GALNT15: variants seen among roughly 807,000 people sequenced by gnomAD.
The protein encoded by GALNT15 is polypeptide N-acetylgalactosaminyltransferase 15.
In GALNT15, 67 loss-of-function variants were observed where a neutral mutation model predicts 66.8. That is an observed-to-expected ratio of 1.00 (90% CI 0.82 to 1.23). GALNT15 has a LOEUF of 1.23. Ranked by LOEUF, GALNT15 falls within the 50% of genes most tolerant of loss-of-function variation. The probability of loss-of-function intolerance (pLI) is 0.00; values close to 1 mark genes in which losing one functional copy is unlikely to be tolerated. For synonymous variants in GALNT15, 313 were observed against 311.5 expected (o/e 1.00, Z -0.05); for missense variants, 827 against 804.3 (o/e 1.03, Z -0.34).
Position 16,186,340 on chromosome 3 carries a change from G to C in GALNT15, c.540-9420G>C, listed in dbSNP as rs886088966. ...TTGGAACCCTCACACATTGCTGGTG[G>C]GATTGTAAAATGGTGCAACTGCTTT... On this transcript the variant is annotated intron_variant, in intron 1 of 9. Coordinates refer to ENST00000339732, the MANE Select transcript of GALNT15 (RefSeq NM_054110.5). This position sits in a 1 kb window ranked among gnomAD's most constrained non-coding sequence, Gnocchi z 5.1. Among the ~76,000 whole-genome samples the C allele has an allele frequency of 1.6e-4, 25 of 152,194 alleles. No individual in the cohort carries two copies. Among genetic ancestry groups the C allele is most frequent in the Non-Finnish European group, 3.7e-4 (25 of 68,034 alleles).
At position 16,219,415 on chromosome 3, in the gene GALNT15, G is replaced by C; in HGVS notation, c.1405G>C (p.Asp469His). Reference sequence around the variant, plus strand: ...TTCTCCTCCCCAGGCTGAGAAGCCAGACTGCATGGAACGCTTGCAGCTGCA... The same window carrying C: ...TTCTCCTCCCCAGGCTGAGAAGCCACACTGCATGGAACGCTTGCAGCTGCA... ...AFSLSKAEKP[D>H]CMERLQLQRR... Residue 469 changes from aspartate (D) to histidine (H), a missense_variant, in exon 7 of 10, where the codon GAC becomes CAC. By Grantham distance (81) the Asp-to-His change is moderately conservative. Coordinates refer to ENST00000339732, the MANE Select transcript of GALNT15 (RefSeq NM_054110.5). This position sits in a 1 kb window ranked among gnomAD's most constrained non-coding sequence, Gnocchi z 4.3. 1 of 1,614,128 alleles carries C rather than the reference G, an allele frequency of 6.2e-7. No individual in the cohort carries two copies. The highest frequency in any genetic ancestry group is 8.5e-7 in the Non-Finnish European group (1 of 1,180,002).
At chr3:16,214,453 C>A (rs977906311) in intron 6 of GALNT15, among the ~76,000 whole-genome samples, 4 of 152,200 alleles carry the variant, frequency 2.6e-5, no homozygotes, top group African/African-American at 9.7e-5. Context: ...AGAATAAATA[C>A]GTTAATAAAT....
intron 9 of GALNT15, among the ~76,000 whole-genome samples, chr3:16,223,945 G>A (rs528495784): frequency 2.0e-5 from 3 of 151,994 alleles, no homozygotes; most frequent in African/African-American, 7.3e-5. Flanking sequence ...CCACCCACTC[G>A]GCCTCACAAA....
In GALNT15 at chr3:16,226,294, A is replaced by G. The variant is rs538338825; in HGVS notation, c.1774-1060A>G. 8.5e-5 allele frequency among the ~76,000 whole-genome samples: 13 copies of G among 152,322 alleles called. No individual in the cohort carries two copies. The South Asian group carries it at 2.3e-3, about 27-fold the overall frequency. On this transcript the variant is annotated intron_variant, in intron 9 of 9. Transcript: ENST00000339732. ...GAAGGTTGCACAACTTTGTGAATAT[A>G]CTAAAAACCACCAACTTGTGTACTT...
At chr3:16,215,587 T>C (rs912113697) in intron 6 of GALNT15, among the ~76,000 whole-genome samples, 10 of 152,132 alleles carry the variant, frequency 6.6e-5, no homozygotes, top group Non-Finnish European at 1.3e-4. Context: ...TCTGTCTGAA[T>C]TTGGGGGAAG....
chr3:16,245,353 G>T, the GALNT15 span, among the ~76,000 whole-genome samples: 16 of 152,134 alleles, frequency 1.1e-4, no homozygotes, highest in African/African-American at 3.9e-4. Flanking sequence ...AACCACACAT[G>T]AGCACAGTCT....
downstream of GALNT15, among the ~76,000 whole-genome samples, chr3:16,231,628 G>A (rs1275269346): frequency 1.3e-5 from 2 of 152,182 alleles, no homozygotes; most frequent in Non-Finnish European, 2.9e-5. This position sits in a 1 kb window ranked among gnomAD's most constrained non-coding sequence, Gnocchi z 4.1. Context: ...TAGTTTATAA[G>A]CTCAGTCCAA....
chr3:16,233,761 G>A (rs191532596), downstream of GALNT15, among the ~76,000 whole-genome samples: 186 of 152,192 alleles, frequency 1.2e-3, no homozygotes, highest in Non-Finnish European at 2.0e-3. Context: ...TTCTCCAAAG[G>A]ATTTTTAGAA....
rs1336186576 is a variant in GALNT15, at chr3:16,195,061, A to C, written c.540-699A>C. ...TGCTATGCTAGGTTGTAGGAACATAAAAATAAAGAAAATAGTGTCCCTGAC... is the reference window on the plus strand; with the variant it reads ...TGCTATGCTAGGTTGTAGGAACATACAAATAAAGAAAATAGTGTCCCTGAC... On this transcript the variant is annotated intron_variant, in intron 1 of 9. Coordinates refer to ENST00000339732, the MANE Select transcript of GALNT15 (RefSeq NM_054110.5). This position sits in a 1 kb window ranked among gnomAD's most constrained non-coding sequence, Gnocchi z 4.6. Among the ~76,000 whole-genome samples the C allele has an allele frequency of 6.6e-6, 1 of 152,214 alleles. No homozygotes were observed. The highest frequency in any genetic ancestry group is 2.4e-5 in the African/African-American group (1 of 41,444).
rs533306674 is a variant in GALNT15, at chr3:16,187,579, C to A, written c.540-8181C>A. ...CTTGAGGCTTAATCTTGGGAATTCT[C>A]GAATGTCACTTCTAGTACATTCTAT... is the stretch of plus-strand genomic sequence containing the variant. On this transcript the variant is annotated intron_variant, in intron 1 of 9. Transcript: ENST00000339732. This position sits in a 1 kb window ranked among gnomAD's most constrained non-coding sequence, Gnocchi z 5.1. 6.6e-6 allele frequency among the ~76,000 whole-genome samples: 1 copy of A among 152,136 alleles called. No homozygotes were observed. Among genetic ancestry groups the A allele is most frequent in the African/African-American group, 2.4e-5 (1 of 41,420 alleles).
Position 16,228,371 on chromosome 3 carries a change from T to A in GALNT15, c.*871T>A. 3 of 983,804 alleles carry A rather than the reference T, an allele frequency of 3.0e-6. No individual in the cohort carries two copies. The highest frequency in any genetic ancestry group is 2.4e-6 in the Non-Finnish European group (2 of 828,160). 60.9% of individuals were successfully genotyped at this position (983,804 alleles called of 1,614,324 possible). On this transcript the variant is annotated 3_prime_UTR_variant, in exon 10 of 10. Transcript: ENST00000339732. ...TGAGAAACTCTCCTGCCGGGCGCGGTGGCTCATGCCTGTAATTCCAGCACT... is the reference window on the plus strand; with the variant it reads ...TGAGAAACTCTCCTGCCGGGCGCGGAGGCTCATGCCTGTAATTCCAGCACT...
At chr3:16,207,317 G>A (rs1347754250) in intron 3 of GALNT15, among the ~76,000 whole-genome samples, 2 of 152,046 alleles carry the variant, frequency 1.3e-5, no homozygotes, top group East Asian at 3.9e-4. Context: ...GTTCAGGCCT[G>A]ATTCATTCCA....
intron 4 of GALNT15, 65 bp downstream of exon 4, chr3:16,208,735 C>T (rs1329747647): frequency 6.8e-7 from 1 of 1,467,170 alleles, no homozygotes; most frequent in Non-Finnish European, 9.5e-7. Flanking sequence ...AGCCTGCCTG[C>T]CTGGGGTCTA....
chr3:16,174,963 G>C lies in GALNT15; in HGVS notation c.-189G>C. On this transcript the variant is annotated 5_prime_UTR_variant, in exon 1 of 10. Coordinates refer to ENST00000339732, the MANE Select transcript of GALNT15 (RefSeq NM_054110.5). This position sits in a 1 kb window ranked among gnomAD's most constrained non-coding sequence, Gnocchi z 4.7. ...CTTGGGGTGAAACTTGGGTCCTGTG[G>C]TTTTCTGATTGTAAGTGGAAGCAGG... 1.7e-6 allele frequency: 1 copy of C among 582,036 alleles called. No individual in the cohort carries two copies. The highest frequency in any genetic ancestry group is 3.0e-6 in the Non-Finnish European group (1 of 330,998). The allele number at this position is 582,036 out of a possible 1,614,324, so 36.1% of individuals were successfully genotyped here.
At chr3:16,237,336 C>T in the GALNT15 span, among the ~76,000 whole-genome samples, 4 of 152,340 alleles carry the variant, frequency 2.6e-5, no homozygotes, top group African/African-American at 9.6e-5. This position sits in a 1 kb window ranked among gnomAD's most constrained non-coding sequence, Gnocchi z 4.2. Context: ...GTGCCTCCTG[C>T]CTGTTATGAT....
Position 16,188,650 on chromosome 3 carries a change from A to T in GALNT15, c.540-7110A>T, listed in dbSNP as rs746250867. ...TGTAGATGCAGTTCAGGACCTTTCA[A>T]AGATCTTTGTTGGCTGGACCTTAGC... is the stretch of plus-strand genomic sequence containing the variant. On this transcript the variant is annotated intron_variant, in intron 1 of 9. Transcript: ENST00000339732. This position sits in a 1 kb window ranked among gnomAD's most constrained non-coding sequence, Gnocchi z 4.6. Among the ~76,000 whole-genome samples the T allele has an allele frequency of 1.1e-4, 16 of 152,082 alleles. No individual in the cohort carries two copies. Among genetic ancestry groups the T allele is most frequent in the Non-Finnish European group, 2.1e-4 (14 of 68,010 alleles).
rs1491187404 is a variant in GALNT15, at chr3:16,203,543, T to TCTCTCTCTCTCTCACACACA, written c.911+2721_911+2722insTCTCTCTCTCTCACACACAC. On this transcript the variant is annotated intron_variant, in intron 3 of 9. Coordinates refer to ENST00000339732, the MANE Select transcript of GALNT15 (RefSeq NM_054110.5). This position sits in a 1 kb window ranked among gnomAD's most constrained non-coding sequence, Gnocchi z 6.2. ...CATTCTCTCTCTCTCTCTCTCTCTC[T>TCTCTCTCTCTCTCACACACA]CACACACACACACACACACACACAC... Among the ~76,000 whole-genome samples the TCTCTCTCTCTCTCACACACA allele has an allele frequency of 4.9e-5, 3 of 61,164 alleles. No homozygotes were observed. Among genetic ancestry groups the TCTCTCTCTCTCTCACACACA allele is most frequent in the African/African-American group, 1.6e-4 (3 of 18,316 alleles). 40.1% of individuals were successfully genotyped at this position (61,164 alleles called of 152,430 possible). A position where few individuals can be genotyped will look rare whatever the true frequency, so the allele number is the denominator to read the frequency against.
chr3:16,231,482 T>G (rs987529941), downstream of GALNT15, among the ~76,000 whole-genome samples: 2 of 152,148 alleles, frequency 1.3e-5, no homozygotes, highest in African/African-American at 4.8e-5. This position sits in a 1 kb window ranked among gnomAD's most constrained non-coding sequence, Gnocchi z 4.1. Flanking sequence ...TATGGGATGT[T>G]TATATTTTTT....
At chr3:16,206,559 G>A (rs2063759260) in intron 3 of GALNT15, among the ~76,000 whole-genome samples, 1 of 150,208 alleles carries the variant, frequency 6.7e-6, no homozygotes, top group African/African-American at 2.4e-5. Flanking sequence ...TGTAGTCCCA[G>A]CTACTTGGGA....
Sources: gnomAD v4.1 joint callset for allele counts (sites outside exome capture counted in the v4.1 genomes callset) on GRCh38, gnomAD v4.1.1 for gene constraint, Gnocchi (gnomAD v3.1) non-coding constraint, MANE v1.5 for transcripts, NCBI Gene and HGNC (gene_info 2026-07-23, HGNC 2026-07-21) for gene names.